The following GRID1 variants were observed in gnomAD, a reference collection of about 807,000 sequenced individuals.
GRID1 encodes the protein glutamate ionotropic receptor delta type subunit 1.
In GRID1, 28 loss-of-function variants were observed where a neutral mutation model predicts 98.0. That is an observed-to-expected ratio of 0.29 (90% CI 0.21 to 0.39). The LOEUF (loss-of-function observed/expected upper bound fraction) is 0.39. Ranked by LOEUF, GRID1 falls within the 10% of genes least tolerant of loss-of-function variation. The probability of loss-of-function intolerance (pLI) is 1.00; values close to 1 mark genes in which losing one functional copy is unlikely to be tolerated. For synonymous variants in GRID1, 553 were observed against 538.5 expected (o/e 1.03, Z -0.37); for missense variants, 1,111 against 1,340.5 (o/e 0.83, Z 2.67).
At chr10:85,768,640 A>G (rs12256885) in intron 8 of GRID1, among the ~76,000 whole-genome samples, 6,889 of 152,310 alleles carry the variant, frequency 0.045, 378 homozygotes, top group African/African-American at 0.12. Flanking sequence ...GAAAAGATAC[A>G]CAGCCTCATA....
At chr10:86,115,241 T>C (rs1301728460) in intron 4 of GRID1, among the ~76,000 whole-genome samples, 1 of 152,216 alleles carries the variant, frequency 6.6e-6, no homozygotes, top group Non-Finnish European at 1.5e-5. Context: ...AGGATTGCTT[T>C]GCATGCCACT....
chr10:86,045,645 G>A (rs1013839635), intron 4 of GRID1, among the ~76,000 whole-genome samples: 2 of 152,098 alleles, frequency 1.3e-5, no homozygotes, highest in African/African-American at 4.8e-5. Context: ...GAGAGAGAGT[G>A]AGAGAGTGAG....
chr10:85,803,198 CTT>C (rs1436799549), intron 8 of GRID1, among the ~76,000 whole-genome samples: 11 of 151,242 alleles, frequency 7.3e-5, no homozygotes, highest in Admixed American at 2.6e-4. Context: ...ACAATAATAA[CTT>C]AACTGTATAT....
intron 12 of GRID1, among the ~76,000 whole-genome samples, chr10:85,649,038 C>T (rs1009714801): frequency 6.6e-6 from 1 of 152,332 alleles, no homozygotes; most frequent in Middle Eastern, 3.4e-3. Flanking sequence ...CAGAGGATTG[C>T]TATGAGGATT....
At chr10:86,021,752 C>G (rs1200591326) in intron 4 of GRID1, among the ~76,000 whole-genome samples, 1 of 152,114 alleles carries the variant, frequency 6.6e-6, no homozygotes, top group Non-Finnish European at 1.5e-5. Flanking sequence ...GCAAAATTTT[C>G]CCATTCACCT....
At chr10:85,680,132 A>T (rs991452915) in intron 12 of GRID1, among the ~76,000 whole-genome samples, 4 of 152,190 alleles carry the variant, frequency 2.6e-5, no homozygotes, top group Admixed American at 1.3e-4. Context: ...GGTAAACATG[A>T]GTACAGAATA....
At chr10:86,056,467 A>T (rs538149734) in intron 4 of GRID1, among the ~76,000 whole-genome samples, 3 of 152,312 alleles carry the variant, frequency 2.0e-5, no homozygotes, top group Non-Finnish European at 4.4e-5. Context: ...CCCGTGTCCC[A>T]AGGGTGCCAA....
chr10:85,819,437 T>C (rs1842742841), intron 8 of GRID1, among the ~76,000 whole-genome samples: 2 of 152,288 alleles, frequency 1.3e-5, no homozygotes, highest in Admixed American at 6.5e-5. Flanking sequence ...AACTTGCTTC[T>C]AATAAATATC....
At chr10:86,251,383 G>A (rs1363552651) in intron 2 of GRID1, among the ~76,000 whole-genome samples, 2 of 149,128 alleles carry the variant, frequency 1.3e-5, no homozygotes, top group East Asian at 4.1e-4. Flanking sequence ...AAAATTGCAT[G>A]TATTTTTATA....
intron 2 of GRID1, among the ~76,000 whole-genome samples, chr10:86,343,604 C>T (rs575428526): frequency 2.1e-4 from 32 of 152,348 alleles, no homozygotes; most frequent in African/African-American, 7.0e-4. Context: ...CAGAGCTCTG[C>T]TGGGCATACA....
At chr10:86,038,056 G>T (rs768927842) in intron 4 of GRID1, among the ~76,000 whole-genome samples, 2 of 152,114 alleles carry the variant, frequency 1.3e-5, no homozygotes, top group African/African-American at 4.8e-5. Context: ...AAGGAAGATC[G>T]CATGAAGACA....
At chr10:85,963,101 T>A (rs964321962) in intron 4 of GRID1, among the ~76,000 whole-genome samples, 1 of 152,136 alleles carries the variant, frequency 6.6e-6, no homozygotes, top group Non-Finnish European at 1.5e-5. Context: ...TTTATTTACT[T>A]CCCTTGCTGT....
rs190674275 is a variant in GRID1, at chr10:85,729,493, G to A, written c.1335+20C>T. ...GCCTGGATGGTGTAGCTCGCTCCCA[G>A]AATGTCCCCATGATCCTACCAAGAC... On this transcript the variant is annotated intron_variant, in intron 9 of 15. Coordinates refer to ENST00000327946, the MANE Select transcript of GRID1 (RefSeq NM_017551.3). 6,350 of 1,456,172 alleles carry A rather than the reference G, an allele frequency of 4.4e-3. 25 individuals carry two copies. Among genetic ancestry groups the A allele is most frequent in the Non-Finnish European group, 5.1e-3 (5,343 of 1,038,656 alleles). The allele number at this position is 1,456,172 out of a possible 1,614,324, so 90.2% of individuals were successfully genotyped here.
At chr10:86,263,209 A>G (rs1847045962) in intron 2 of GRID1, among the ~76,000 whole-genome samples, 1 of 152,256 alleles carries the variant, frequency 6.6e-6, no homozygotes, top group Non-Finnish European at 1.5e-5. Context: ...ATCTGACATT[A>G]CACCCCCTGC....
At chr10:86,056,287 A>G (rs1843571427) in intron 4 of GRID1, among the ~76,000 whole-genome samples, 1 of 152,246 alleles carries the variant, frequency 6.6e-6, no homozygotes, top group Non-Finnish European at 1.5e-5. Context: ...TGAAGACCAG[A>G]TGATTCAAAT....
intron 2 of GRID1, among the ~76,000 whole-genome samples, chr10:86,245,805 C>T (rs925828362): frequency 4.6e-5 from 7 of 152,336 alleles, no homozygotes; most frequent in East Asian, 3.9e-4. Context: ...CACAGCTGGC[C>T]GGCCTTGGGC....
At chr10:85,885,307 A>G (rs1841096929) in intron 5 of GRID1, among the ~76,000 whole-genome samples, 1 of 152,206 alleles carries the variant, frequency 6.6e-6, no homozygotes, top group Non-Finnish European at 1.5e-5. Flanking sequence ...GGAAGGGGAT[A>G]AGATGTGATT....
chr10:85,972,158 CTTT>C (rs397846947), intron 4 of GRID1, among the ~76,000 whole-genome samples: 2 of 143,942 alleles, frequency 1.4e-5, no homozygotes, highest in Admixed American at 6.9e-5. Flanking sequence ...GACCATTTTT[CTTT>C]TTTTTTTTTA....
At chr10:86,076,709 T>G (rs1364625102) in intron 4 of GRID1, among the ~76,000 whole-genome samples, 1 of 152,260 alleles carries the variant, frequency 6.6e-6, no homozygotes, top group Admixed American at 6.5e-5. Context: ...ACTGATTAGG[T>G]GAGGCCCACC....
Sources: gnomAD v4.1 joint callset for allele counts (sites outside exome capture counted in the v4.1 genomes callset) on GRCh38, gnomAD v4.1.1 for gene constraint, MANE v1.5 for transcripts, NCBI Gene and HGNC (gene_info 2026-07-23, HGNC 2026-07-21) for gene names.